COL7A1: variants seen among roughly 807,000 people sequenced by gnomAD.
COL7A1 encodes the protein collagen type VII alpha 1 chain, also known as collagen alpha-1(VII) chain.
A neutral mutation model predicts 456.2 loss-of-function variants in COL7A1; 296 were observed. The ratio of observed to expected loss-of-function variants is 0.65; its 90% CI spans 0.59 to 0.71. COL7A1 has a LOEUF of 0.71. Among genes scored for constraint, COL7A1 ranks in the 30% least tolerant of loss-of-function variants. The pLI, the probability that COL7A1 is intolerant of heterozygous loss-of-function variation, is 0.00. For synonymous variants in COL7A1, 1,464 were observed against 1,525.9 expected, an observed-to-expected ratio of 0.96 and a Z score of 0.95; for missense variants, 3,441 against 4,017.2, an observed-to-expected ratio of 0.86 and a Z score of 3.88.
rs2107804536 is a variant in COL7A1, at chr3:48,594,076, A to G, written c.266+292T>C. Among the ~76,000 whole-genome samples the G allele has an allele frequency of 6.6e-6, 1 of 152,356 alleles. No individual in the cohort carries two copies. Among genetic ancestry groups the G allele is most frequent in the Non-Finnish European group, 1.5e-5 (1 of 68,032 alleles). The stretch of plus-strand genomic sequence containing the variant: ...AGAGGGCTAGAACGTGGAGAATCCA[A>G]CAGGCGTGGGGGCCCCCTCCTGGGC... On this transcript the variant is annotated intron_variant, in intron 3 of 118. Transcript: ENST00000681320. The surrounding 1 kb of genome is among the most constrained non-coding windows in gnomAD (Gnocchi z 5.5).
At chr3:48,582,775 GGGGTAAGACTT>G in intron 44 of COL7A1, 122 bp from the exon 45 acceptor site, 1 of 1,210,804 alleles carries the variant, frequency 8.3e-7, no homozygotes, top group Non-Finnish European at 1.2e-6. Flanking sequence ...TAGGTTGGCA[GGGGTAAGACTT>G]GGCAGGAGAA....
Position 48,571,348 on chromosome 3 carries a change from A to C in COL7A1, c.7069-70T>G. 1 of 1,583,612 alleles carries C rather than the reference A, an allele frequency of 6.3e-7. No individual in the cohort carries two copies. The highest frequency in any genetic ancestry group is 8.7e-7 in the Non-Finnish European group (1 of 1,153,704). On this transcript the variant is annotated intron_variant, in intron 92 of 118. Coordinates refer to ENST00000681320, the MANE Select transcript of COL7A1 (RefSeq NM_000094.4). The surrounding 1 kb of genome is among the most constrained non-coding windows in gnomAD (Gnocchi z 4.6). ...GCACAGAGTTCAGACACGGGCTGAA[A>C]ATATTCCCAGGGGAGTTCTGATGTG...
Position 48,569,381 on chromosome 3 carries a change from A to G in COL7A1, c.7680T>C (p.Gly2560=). The G allele has an allele frequency of 6.2e-7, 1 of 1,613,666 alleles. No individual in the cohort carries two copies. Among genetic ancestry groups the G allele is most frequent in the Non-Finnish European group, 8.5e-7 (1 of 1,179,866 alleles). The change falls in exon 103 of 119, where the codon GGT becomes GGC. Residue 2560 remains glycine, a synonymous_variant. Coordinates refer to ENST00000681320, the MANE Select transcript of COL7A1 (RefSeq NM_000094.4). This position sits in a 1 kb window ranked among gnomAD's most constrained non-coding sequence, Gnocchi z 4.9. ...KGPRGDNGDP[G]DKGSKGEPGD... is the part of the protein sequence containing the mutation. ...ACCACCCTCTTCCCTGTACCTTGTC[A>G]CCAGGGTCCCCATTGTCTCCCCGAG... is the stretch of plus-strand genomic sequence containing the variant.
Position 48,590,300 on chromosome 3 carries a change from G to A in COL7A1, c.1963C>T (p.Leu655=). The change falls in exon 16 of 119, where the codon CTG becomes TTG. Residue 655 remains leucine (L), a synonymous_variant. Transcript: ENST00000681320. The surrounding 1 kb of genome is among the most constrained non-coding windows in gnomAD (Gnocchi z 4.6). ...ACCTGGTAGGTGGTTCCAGGCTGCAGCCCTGTGATGTCTGTGGCAGTAGAG... is the reference window on the plus strand; with the variant it reads ...ACCTGGTAGGTGGTTCCAGGCTGCAACCCTGTGATGTCTGTGGCAGTAGAG... ...PDSTATDITG[L]QPGTTYQVAV... 1 of 1,614,066 alleles carries A rather than the reference G, an allele frequency of 6.2e-7. No individual in the cohort carries two copies. Among genetic ancestry groups the A allele is most frequent in the Middle Eastern group, 1.6e-4 (1 of 6,062 alleles).
Position 48,590,666 on chromosome 3 carries a change from T to C in COL7A1, c.1780+7A>G, listed in dbSNP as rs779987695. On this transcript the variant is annotated splice_region_variant and intron_variant, in intron 14 of 118. Transcript: ENST00000681320. The surrounding 1 kb of genome is among the most constrained non-coding windows in gnomAD (Gnocchi z 4.6). ...GCTGTCCTCCACAAGCCTCCTGCAGTACTCACCCCGGCGGACAGTGAGGAC... is the reference window on the plus strand; with the variant it reads ...GCTGTCCTCCACAAGCCTCCTGCAGCACTCACCCCGGCGGACAGTGAGGAC... 6.2e-7 allele frequency: 1 copy of C among 1,613,900 alleles called. No homozygotes were observed. The highest frequency in any genetic ancestry group is 1.1e-5 in the South Asian group (1 of 91,082).
Position 48,579,686 on chromosome 3 carries a change from T to C in COL7A1, c.5155-18A>G. 1 of 1,613,670 alleles carries C rather than the reference T, an allele frequency of 6.2e-7. No individual in the cohort carries two copies. Among genetic ancestry groups the C allele is most frequent in the Non-Finnish European group, 8.5e-7 (1 of 1,179,976 alleles). ...GGCTCTCCCTGTGGCAGAGATAAGC[T>C]TGCTGAGGAACAGCCTTGAAGCCAA... On this transcript the variant is annotated intron_variant, in intron 58 of 118. Coordinates refer to ENST00000681320, the MANE Select transcript of COL7A1 (RefSeq NM_000094.4). The surrounding 1 kb of genome is among the most constrained non-coding windows in gnomAD (Gnocchi z 4.4).
In COL7A1 at chr3:48,567,506, G is replaced by A; in HGVS notation, c.8046+68C>T. On this transcript the variant is annotated intron_variant, in intron 109 of 118. Transcript: ENST00000681320. The surrounding 1 kb of genome is among the most constrained non-coding windows in gnomAD (Gnocchi z 4.3). Reference sequence around the variant, plus strand: ...GCCTTCCTTGTCCCTACACCCCCATGACCCGACCATGAGCTTCCCTGCCCC... The same window carrying A: ...GCCTTCCTTGTCCCTACACCCCCATAACCCGACCATGAGCTTCCCTGCCCC... 6.2e-7 allele frequency: 1 copy of A among 1,602,846 alleles called. No homozygotes were observed. Among genetic ancestry groups the A allele is most frequent in the Non-Finnish European group, 8.5e-7 (1 of 1,170,414 alleles).
chr3:48,595,197 C>A, intron 1 of COL7A1, 37 bp from the exon 2 acceptor site: 1 of 1,517,554 alleles, frequency 6.6e-7, no homozygotes, highest in South Asian at 1.2e-5. Flanking sequence ...ACCCCCGCCT[C>A]TGTCCCTTGC....
Position 48,571,466 on chromosome 3 carries a change from G to A in COL7A1, c.7069-188C>T, listed in dbSNP as rs756083106. ...GGCCTATCTCAGGACAGCACAGACAGAGGGACGCTCAGATACTACCATAGA... is the reference window on the plus strand; with the variant it reads ...GGCCTATCTCAGGACAGCACAGACAAAGGGACGCTCAGATACTACCATAGA... On this transcript the variant is annotated intron_variant, in intron 92 of 118. Transcript: ENST00000681320. This position sits in a 1 kb window ranked among gnomAD's most constrained non-coding sequence, Gnocchi z 4.6. 1.3e-6 allele frequency: 1 copy of A among 758,884 alleles called. No individual in the cohort carries two copies. The highest frequency in any genetic ancestry group is 2.7e-5 in the East Asian group (1 of 37,388). 47.0% of individuals were successfully genotyped at this position (758,884 alleles called of 1,614,324 possible). A position where few individuals can be genotyped will look rare whatever the true frequency, so the allele number is the denominator to read the frequency against.
At chr3:48,576,104 G>T in intron 71 of COL7A1, 145 bp downstream of exon 71, 1 of 1,415,850 alleles carries the variant, frequency 7.1e-7, no homozygotes, top group Non-Finnish European at 9.8e-7. Context: ...TCCCTTGAGT[G>T]TGGGCTACAA....
chr3:48,579,937 G>A lies in COL7A1; in HGVS notation c.5124+94C>T. On this transcript the variant is annotated intron_variant, in intron 57 of 118. Coordinates refer to ENST00000681320, the MANE Select transcript of COL7A1 (RefSeq NM_000094.4). The surrounding 1 kb of genome is among the most constrained non-coding windows in gnomAD (Gnocchi z 4.4). ...AGGTTTCAGAGGGACAGTGGGGGAA[G>A]TGGGAGTTAGTGGAAGGAATGAGGG... 1.9e-6 allele frequency: 3 copies of A among 1,604,474 alleles called. No homozygotes were observed. The highest frequency in any genetic ancestry group is 2.6e-6 in the Non-Finnish European group (3 of 1,171,278).
In COL7A1 at chr3:48,588,533, C is replaced by T. The variant is rs1382811383; in HGVS notation, c.2587+109G>A. The T allele has an allele frequency of 1.2e-6, 2 of 1,606,436 alleles. No homozygotes were observed. Among genetic ancestry groups the T allele is most frequent in the East Asian group, 2.2e-5 (1 of 44,836 alleles). ...TCTCCCTCCTCTCAGACCCTGCCCC[C>T]AAAGGCTCACTACCAATCCTGGTCC... On this transcript the variant is annotated intron_variant, in intron 20 of 118. Transcript: ENST00000681320. The surrounding 1 kb of genome is among the most constrained non-coding windows in gnomAD (Gnocchi z 4.6).
chr3:48,572,300 C>T lies in COL7A1; in HGVS notation c.6978+80G>A, dbSNP rs2043980486. 2 of 1,613,130 alleles carry T rather than the reference C, an allele frequency of 1.2e-6. No homozygotes were observed. Among genetic ancestry groups the T allele is most frequent in the East Asian group, 2.2e-5 (1 of 44,862 alleles). On this transcript the variant is annotated intron_variant, in intron 90 of 118. Coordinates refer to ENST00000681320, the MANE Select transcript of COL7A1 (RefSeq NM_000094.4). This position sits in a 1 kb window ranked among gnomAD's most constrained non-coding sequence, Gnocchi z 4.6. ...GCTGAGGGTCATGAGGGTGGGTAAA[C>T]TATGGGTCGAAGGTCAGAAGTTAGG... is the stretch of plus-strand genomic sequence containing the variant.
rs781670078 is a variant in COL7A1 at position 48,585,022 on chromosome 3, C to A, written c.3975+14G>T. ...GCAGCGCCCACCCTGACCTGCAGGA[C>A]AAGGCTTGCTCACCTTTAGGCCAGG... On this transcript the variant is annotated intron_variant, in intron 33 of 118. Coordinates refer to ENST00000681320, the MANE Select transcript of COL7A1 (RefSeq NM_000094.4). The surrounding 1 kb of genome is among the most constrained non-coding windows in gnomAD (Gnocchi z 4.5). The A allele has an allele frequency of 1.7e-5, 28 of 1,613,414 alleles. No homozygotes were observed. Among genetic ancestry groups the A allele is most frequent in the Non-Finnish European group, 2.1e-5 (25 of 1,179,994 alleles).
At position 48,572,362 on chromosome 3, in the gene COL7A1, C is replaced by G. The variant is rs2043985714; in HGVS notation, c.6978+18G>C. On this transcript the variant is annotated intron_variant, in intron 90 of 118. Transcript: ENST00000681320. The surrounding 1 kb of genome is among the most constrained non-coding windows in gnomAD (Gnocchi z 4.6). ...ACAGGACCCCCAGAACATCTGCTGT[C>G]AGAAGTTCCCTACTTACCGGCTCAC... 6.2e-7 allele frequency: 1 copy of G among 1,614,020 alleles called. No homozygotes were observed. The highest frequency in any genetic ancestry group is 1.3e-5 in the African/African-American group (1 of 74,892).
chr3:48,590,128 G>A lies in COL7A1; in HGVS notation c.2050+85C>T. The A allele has an allele frequency of 1.3e-6, 2 of 1,492,926 alleles. No individual in the cohort carries two copies. Among genetic ancestry groups the A allele is most frequent in the Admixed American group, 3.5e-5 (2 of 56,416 alleles). The allele number at this position is 1,492,926 out of a possible 1,614,324, so 92.5% of individuals were successfully genotyped here. A position where few individuals can be genotyped will look rare whatever the true frequency, so the allele number is the denominator to read the frequency against. On this transcript the variant is annotated intron_variant, in intron 16 of 118. Coordinates refer to ENST00000681320, the MANE Select transcript of COL7A1 (RefSeq NM_000094.4). This position sits in a 1 kb window ranked among gnomAD's most constrained non-coding sequence, Gnocchi z 4.6. Reference sequence around the variant, plus strand: ...TGAAGGGGGAGGCAGGAGTTCTGGGGAGAAGCAAGGGTCTGCAAGGGAAGG... The same window carrying A: ...TGAAGGGGGAGGCAGGAGTTCTGGGAAGAAGCAAGGGTCTGCAAGGGAAGG...
chr3:48,574,192 C>A lies in COL7A1; in HGVS notation c.6501+70G>T. The A allele has an allele frequency of 6.3e-7, 1 of 1,578,056 alleles. No homozygotes were observed. Among genetic ancestry groups the A allele is most frequent in the South Asian group, 1.1e-5 (1 of 90,422 alleles). ...ACAAACACACACACACAGACATGCA[C>A]ACACACAGCAGCAGCAGCACCTAGC... On this transcript the variant is annotated intron_variant, in intron 80 of 118. Transcript: ENST00000681320. This position sits in a 1 kb window ranked among gnomAD's most constrained non-coding sequence, Gnocchi z 5.0.
rs776664765 is a variant in COL7A1, at chr3:48,584,762, C to T, written c.4019G>A (p.Arg1340Gln). The change falls in exon 35 of 119, where the codon CGA (arginine) becomes CAA (glutamine). Residue 1340 changes from arginine (R) to glutamine (Q), a missense_variant. By Grantham distance (43) the Arg-to-Gln change is conservative. This residue lies in a region of COL7A1 where 2,084 missense variants were observed against 2,501.3 expected (regional missense o/e 0.83). Transcript: ENST00000681320. ...CTCCCCCTTTGGGCCTCGAGGTCCT[C>T]GCTCTCCCTGAGGACGAAACAGAGC... is the stretch of plus-strand genomic sequence containing the variant. Reference protein sequence around the residue: ...LPGPRGDPGERGPRGPKGEPG... With the variant: ...LPGPRGDPGEQGPRGPKGEPG... 4 of 1,613,914 alleles carry T rather than the reference C, an allele frequency of 2.5e-6. No homozygotes were observed. In the South Asian group the frequency reaches 3.3e-5, roughly 13 times the overall value.
rs376232093 is a variant in COL7A1 at position 48,571,174 on chromosome 3, A to C, written c.7105-14T>G. 1 of 1,613,918 alleles carries C rather than the reference A, an allele frequency of 6.2e-7. No individual in the cohort carries two copies. The highest frequency in any genetic ancestry group is 8.5e-7 in the Non-Finnish European group (1 of 1,180,034). The stretch of plus-strand genomic sequence containing the variant: ...TCCTGGGTCACCCTTTGAGGAAAAG[A>C]GGCATCGGATCAAGCTCAGGGAGTC... On this transcript the variant is annotated splice_polypyrimidine_tract_variant and intron_variant, in intron 93 of 118. Transcript: ENST00000681320. This position sits in a 1 kb window ranked among gnomAD's most constrained non-coding sequence, Gnocchi z 4.6.
Sources: gnomAD v4.1 joint callset for allele counts (sites outside exome capture counted in the v4.1 genomes callset) on GRCh38, gnomAD v4.1.1 for gene constraint, gnomAD v4.1.1 regional missense constraint, Gnocchi (gnomAD v3.1) non-coding constraint, MANE v1.5 for transcripts, NCBI Gene and HGNC (gene_info 2026-07-23, HGNC 2026-07-21) for gene names.